Variants in IL12RB2 observed in about 807,000 individuals in gnomAD.
The protein encoded by IL12RB2 is interleukin 12 receptor subunit beta 2.
In IL12RB2, 82 loss-of-function variants were observed where a neutral mutation model predicts 89.4. That is an observed-to-expected ratio of 0.92 (90% confidence interval 0.77 to 1.10). The LOEUF (loss-of-function observed/expected upper bound fraction) is 1.10. Ranked by LOEUF, IL12RB2 falls within the 50% of genes least tolerant of loss-of-function variation. IL12RB2 has a pLI of 0.00. For synonymous variants in IL12RB2, 368 were observed against 370.1 expected, an observed-to-expected ratio of 0.99 and a Z score of 0.07; for missense variants, 963 against 1,031.9, an observed-to-expected ratio of 0.93 and a Z score of 0.92.
chr1:67,323,682 A>C (rs141347661), intron 4 of IL12RB2, among the ~76,000 whole-genome samples: 27 of 152,358 alleles, frequency 1.8e-4, no homozygotes, highest in African/African-American at 6.3e-4. Flanking sequence ...ACTATGCTCA[A>C]AATATTTCCT....
chr1:67,396,488 G>A lies in IL12RB2; in HGVS notation c.*399G>A, dbSNP rs1275036461. On this transcript the variant is annotated 3_prime_UTR_variant, in exon 17 of 17. Coordinates refer to ENST00000674203, the MANE Select transcript of IL12RB2 (RefSeq NM_001374259.2). ...TAAAGCACCTGCTACACAGCAGGCT[G>A]TACACAGCAGATCAGTACTGTTCAA... 6 of 345,206 alleles carry A rather than the reference G, an allele frequency of 1.7e-5. No homozygotes were observed. Among genetic ancestry groups the A allele is most frequent in the Admixed American group, 7.9e-5 (2 of 25,296 alleles). The allele number at this position is 345,206 out of a possible 1,614,324, so 21.4% of individuals were successfully genotyped here.
intron 14 of IL12RB2, among the ~76,000 whole-genome samples, chr1:67,385,755 G>A (rs1327468459): frequency 6.6e-6 from 1 of 152,166 alleles, no homozygotes; most frequent in Non-Finnish European, 1.5e-5. Context: ...AATCACCCTA[G>A]CTAGATAAAG....
intron 1 of IL12RB2, among the ~76,000 whole-genome samples, chr1:67,312,985 C>A (rs771782207): frequency 6.6e-6 from 1 of 152,220 alleles, no homozygotes; most frequent in African/African-American, 2.4e-5. Context: ...CTTTCCTTCC[C>A]CTTCAAGCCA....
chr1:67,372,852 G>A (rs1663524398), intron 13 of IL12RB2, 69 bp downstream of exon 13: 2 of 1,024,856 alleles, frequency 2.0e-6, no homozygotes, highest in Non-Finnish European at 3.1e-6. Context: ...ACAAGGAGGT[G>A]TGTGTGCACA....
chr1:67,355,969 C>T (rs796160325), intron 10 of IL12RB2, among the ~76,000 whole-genome samples: 1 of 152,212 alleles, frequency 6.6e-6, no homozygotes, highest in Non-Finnish European at 1.5e-5. Flanking sequence ...GTTAGAAAGG[C>T]TCTTTGGCTT....
chr1:67,325,212 TC>T (rs1202113307), intron 4 of IL12RB2, among the ~76,000 whole-genome samples: 36 of 152,250 alleles, frequency 2.4e-4, no homozygotes, highest in African/African-American at 8.7e-4. Context: ...TTGGCAACAT[TC>T]CTTTATTCTA....
At chr1:67,332,220 T>G (rs1365532854) in intron 8 of IL12RB2, among the ~76,000 whole-genome samples, 1 of 2,612 alleles carries the variant, frequency 3.8e-4, no homozygotes, top group African/African-American at 4.6e-4. Flanking sequence ...TTAATTGCAT[T>G]TTTTTTTTTT....
chr1:67,380,854 TTCTTA>T (rs1664496088), intron 14 of IL12RB2, among the ~76,000 whole-genome samples: 1 of 152,320 alleles, frequency 6.6e-6, no homozygotes, highest in South Asian at 2.1e-4. Flanking sequence ...AATTGTCTCC[TTCTTA>T]TAAGGACACC....
chr1:67,368,170 A>G lies in IL12RB2; in HGVS notation c.1459+145A>G, dbSNP rs142091341. 2.5e-5 allele frequency: 17 copies of G among 688,214 alleles called. No individual in the cohort carries two copies. In the East Asian group the frequency reaches 4.3e-4, roughly 17 times the overall value. 42.6% of individuals were successfully genotyped at this position (688,214 alleles called of 1,614,324 possible). On this transcript the variant is annotated intron_variant, in intron 11 of 16. Transcript: ENST00000674203. ...GATGACCTAGAGTCCACCCAGCAGC[A>G]CTTTAGACTACTCCACTGCAGACAT...
intron 14 of IL12RB2, among the ~76,000 whole-genome samples, chr1:67,383,429 A>G (rs551545018): frequency 1.3e-5 from 2 of 152,250 alleles, no homozygotes; most frequent in South Asian, 4.1e-4. Context: ...TCAAAACACA[A>G]TCATGCATTT....
intron 8 of IL12RB2, among the ~76,000 whole-genome samples, chr1:67,334,502 G>A (rs1261108490): frequency 6.6e-6 from 1 of 152,178 alleles, no homozygotes; most frequent in Admixed American, 6.5e-5. Flanking sequence ...GTTTTGAGAC[G>A]GAGTCTGGCT....
chr1:67,351,221 A>G, intron 10 of IL12RB2, 132 bp downstream of exon 10: 5 of 1,493,344 alleles, frequency 3.3e-6, no homozygotes, highest in Non-Finnish European at 4.5e-6. Flanking sequence ...CAGCTTTCAG[A>G]GGCTTTTTTT....
At chr1:67,386,740 G>C (rs944981215) in intron 15 of IL12RB2, 71 bp downstream of exon 15, 1 of 1,038,320 alleles carries the variant, frequency 9.6e-7, no homozygotes, top group Admixed American at 1.7e-5. Context: ...TGCTGCCATG[G>C]GTCAGGGAAA....
In IL12RB2 at chr1:67,396,237, G is replaced by A; in HGVS notation, c.*148G>A. 1 of 748,550 alleles carries A rather than the reference G, an allele frequency of 1.3e-6. No individual in the cohort carries two copies. The highest frequency in any genetic ancestry group is 2.4e-5 in the East Asian group (1 of 40,902). The allele number at this position is 748,550 out of a possible 1,614,324, so 46.4% of individuals were successfully genotyped here. A position where few individuals can be genotyped will look rare whatever the true frequency, so the allele number is the denominator to read the frequency against. On this transcript the variant is annotated 3_prime_UTR_variant, in exon 17 of 17. Transcript: ENST00000674203. ...GAGGACAGGCAAGCCAGCTCTGGGG[G>A]AGTCTTAGGAACTGGGAGTTGGTCT...
At chr1:67,379,140 T>C (rs914958800) in intron 13 of IL12RB2, among the ~76,000 whole-genome samples, 9 of 150,684 alleles carry the variant, frequency 6.0e-5, no homozygotes, top group Non-Finnish European at 1.0e-4. Flanking sequence ...GAGGTTACAG[T>C]GAGCCAAGAT....
chr1:67,372,318 T>C, intron 11 of IL12RB2, 118 bp from the exon 12 acceptor site: 1 of 756,134 alleles, frequency 1.3e-6, no homozygotes, highest in East Asian at 2.5e-5. Context: ...GAACCATCTT[T>C]AAACTAGGAA....
chr1:67,321,620 A>G lies in IL12RB2; in HGVS notation c.95A>G (p.Asp32Gly), dbSNP rs1246858559. 6.2e-7 allele frequency: 1 copy of G among 1,604,772 alleles called. No individual in the cohort carries two copies. The highest frequency in any genetic ancestry group is 8.5e-7 in the Non-Finnish European group (1 of 1,171,580). Reference sequence around the variant, plus strand: ...ATTGCAGATGCGTGCAAGAGAGGCGATGTGACTGTGAAGCCTTCCCATGTA... The same window carrying G: ...ATTGCAGATGCGTGCAAGAGAGGCGGTGTGACTGTGAAGCCTTCCCATGTA... ...KAKIDACKRG[D>G]VTVKPSHVIL... The change falls in exon 4 of 17, where the codon GAT (aspartate) becomes GGT (glycine). Residue 32 changes from aspartate (D) to glycine (G), a missense_variant. Coordinates refer to ENST00000674203, the MANE Select transcript of IL12RB2 (RefSeq NM_001374259.2).
At chr1:67,332,416 A>G (rs1247467412) in intron 8 of IL12RB2, among the ~76,000 whole-genome samples, 1 of 152,068 alleles carries the variant, frequency 6.6e-6, no homozygotes, top group Non-Finnish European at 1.5e-5. Context: ...AGGTTTCACC[A>G]TGTTGGCCAG....
At chr1:67,330,474 A>G (rs1657914950) in intron 7 of IL12RB2, among the ~76,000 whole-genome samples, 186 bp from the exon 8 acceptor site, 1 of 152,000 alleles carries the variant, frequency 6.6e-6, no homozygotes, top group Non-Finnish European at 1.5e-5. Flanking sequence ...ATGAGATGCT[A>G]TCATTTCAGA....
Sources: allele counts gnomAD v4.1 joint callset (sites outside exome capture counted in the v4.1 genomes callset), GRCh38; gene constraint gnomAD v4.1.1; transcripts MANE v1.5; gene names NCBI Gene and HGNC (gene_info 2026-07-23, HGNC 2026-07-21).